The following WDHD1 variants were observed in gnomAD, a reference collection of about 807,000 sequenced individuals.
The protein encoded by WDHD1 is WD repeat and HMG-box DNA binding protein 1, also known as WD repeat and HMG-box DNA-binding protein 1.
Under a neutral mutation model 135.4 loss-of-function variants are expected in WDHD1, and 111 were observed. The ratio of observed to expected loss-of-function variants is 0.82; its 90% CI spans 0.70 to 0.96. The LOEUF (loss-of-function observed/expected upper bound fraction) is 0.96. Among genes scored for constraint, WDHD1 ranks in the 40% least tolerant of loss-of-function variants. The probability of loss-of-function intolerance (pLI) is 0.00; values close to 1 mark genes in which losing one functional copy is unlikely to be tolerated. For missense variants in WDHD1, 1,351 were observed against 1,336.3 expected (o/e 1.01, Z -0.17); for synonymous variants, 434 against 439.0 (o/e 0.99, Z 0.14).
intron 15 of WDHD1, 66 bp from the exon 16 acceptor site, chr14:54,981,762 ATATAT>A: frequency 9.6e-7 from 1 of 1,047,080 alleles, no homozygotes. Context: ...CCTATTTCAA[ATATAT>A]TATACATACC....
At chr14:54,997,749 A>G (rs112651988) in intron 10 of WDHD1, among the ~76,000 whole-genome samples, 2 of 152,108 alleles carry the variant, frequency 1.3e-5, no homozygotes, top group African/African-American at 4.8e-5. Flanking sequence ...CGTCTCTACT[A>G]AAAATGCAAA....
rs531905544 is a variant in WDHD1 at position 54,987,554 on chromosome 14, T to C, written c.1527-167A>G. On this transcript the variant is annotated intron_variant, in intron 13 of 25. Transcript: ENST00000360586. ...AAGTAATTATGAAATACCCTTAAAA[T>C]GAACTATATTGATATCTTTCCAGCC... Among the ~76,000 whole-genome samples the C allele has an allele frequency of 7.9e-5, 12 of 152,236 alleles. No homozygotes were observed. The South Asian group carries it at 1.9e-3, about 24-fold the overall frequency.
chr14:55,001,020 T>A, intron 8 of WDHD1, 28 bp from the exon 9 acceptor site: 6 of 1,384,676 alleles, frequency 4.3e-6, no homozygotes, highest in East Asian at 2.5e-5. Context: ...TAATAAATAA[T>A]GATTTTGTAA....
chr14:54,959,437 G>GAGGGAGGC (rs2041213543), intron 21 of WDHD1, among the ~76,000 whole-genome samples: 1 of 139,856 alleles, frequency 7.2e-6, no homozygotes, highest in Non-Finnish European at 1.6e-5. Context: ...GGAAGGGAGG[G>GAGGGAGGC]AGGGAGGCAG....
chr14:54,967,259 C>G (rs1762534489), intron 17 of WDHD1, 21 bp downstream of exon 17: 2 of 1,569,982 alleles, frequency 1.3e-6, no homozygotes, highest in South Asian at 1.1e-5. Context: ...TTCAAAGTGT[C>G]AAGGTAAGAC....
In WDHD1 at chr14:54,991,379, C is replaced by A. The variant is rs1223650604; in HGVS notation, c.1175G>T (p.Gly392Val). 1.2e-6 allele frequency: 2 copies of A among 1,613,946 alleles called. No individual in the cohort carries two copies. The highest frequency in any genetic ancestry group is 2.2e-5 in the East Asian group (1 of 44,878). The change falls in exon 12 of 26, where the codon GGT (glycine) becomes GTT (valine). Residue 392 changes from glycine (G) to valine (V), a missense_variant. This residue lies in a region of WDHD1 where 1,330 missense variants were observed against 1,296.1 expected (regional missense o/e 1.03). Coordinates refer to ENST00000360586, the MANE Select transcript of WDHD1 (RefSeq NM_007086.4). ...CTCCTCCTCTTTGAGAAGACTAGAA[C>A]CAGTTTTTAGCATTGAAATATCTAC... is the stretch of plus-strand genomic sequence containing the variant. The part of the protein sequence containing the change: ...NSVDISMLKT[G>V]SSLLKEEEED...
chr14:54,993,436 A>G (rs934348080), intron 11 of WDHD1, among the ~76,000 whole-genome samples: 4 of 152,164 alleles, frequency 2.6e-5, no homozygotes, highest in Non-Finnish European at 4.4e-5. Flanking sequence ...ATGAATCTTA[A>G]CATAACAGAG....
intron 13 of WDHD1, among the ~76,000 whole-genome samples, chr14:54,988,297 T>C (rs17832281): frequency 0.089 from 13,607 of 152,050 alleles, 701 homozygotes; most frequent in South Asian, 0.16. Context: ...TGTAGATTAA[T>C]AGTTGGCCAA....
chr14:54,988,960 C>T, intron 13 of WDHD1, 68 bp downstream of exon 13: 2 of 1,382,832 alleles, frequency 1.4e-6, no homozygotes, highest in South Asian at 1.6e-5. Flanking sequence ...AACTTTTTGT[C>T]TTTAATTTCA....
intron 21 of WDHD1, among the ~76,000 whole-genome samples, chr14:54,961,131 GCA>G (rs1252934456): frequency 2.0e-5 from 3 of 151,838 alleles, no homozygotes; most frequent in Non-Finnish European, 4.4e-5. Context: ...TTCTTCTTCA[GCA>G]CAGTGTGCCA....
Position 54,989,194 on chromosome 14 carries a change from T to G in WDHD1, c.1360A>C (p.Ile454Leu). The G allele has an allele frequency of 6.2e-7, 1 of 1,612,542 alleles. No homozygotes were observed. Residue 454 changes from isoleucine (I) to leucine (L), a missense_variant, in exon 13 of 26, where the codon ATT becomes CTT. By Grantham distance (5) the Ile-to-Leu change is conservative (BLOSUM62 2). Around this residue, in one of 2 missense-constraint regions of WDHD1, gnomAD observed 1,330 missense variants for 1,296.1 expected, o/e 1.03. Transcript: ENST00000360586. ...HRFMVWNSIG[I>L]IRCYNDEQDN... The stretch of plus-strand genomic sequence containing the variant: ...TGCTCATCATTATAGCAGCGAATAA[T>G]TCCAATAGAGTTCCACACCTACAAA...
At chr14:54,944,612 G>A (rs2040890672) in intron 24 of WDHD1, 142 bp from the exon 25 acceptor site, 3 of 390,048 alleles carry the variant, frequency 7.7e-6, no homozygotes, top group Admixed American at 1.1e-4. Context: ...GTTAATTCAT[G>A]TTACTTTTTT....
At chr14:54,992,264 G>A (rs1421175455) in intron 11 of WDHD1, among the ~76,000 whole-genome samples, 1 of 152,124 alleles carries the variant, frequency 6.6e-6, no homozygotes, top group African/African-American at 2.4e-5. Context: ...GCCAAGGTGG[G>A]TAGATCATTT....
At chr14:55,016,849 AG>A (rs2042269312) in intron 2 of WDHD1, among the ~76,000 whole-genome samples, 1 of 152,350 alleles carries the variant, frequency 6.6e-6, no homozygotes, top group African/African-American at 2.4e-5. Flanking sequence ...AAGCATAAAA[AG>A]TGAAGTGACT....
At chr14:54,988,979 A>C (rs1167234430) in intron 13 of WDHD1, 49 bp downstream of exon 13, 8 of 1,461,422 alleles carry the variant, frequency 5.5e-6, no homozygotes, top group Non-Finnish European at 7.5e-6. Context: ...CAACAACTGT[A>C]TCTAACAGTT....
intron 16 of WDHD1, among the ~76,000 whole-genome samples, chr14:54,968,114 C>T (rs747873858): frequency 3.3e-5 from 5 of 152,040 alleles, no homozygotes; most frequent in East Asian, 1.9e-4. Flanking sequence ...CATGCTTGGC[C>T]GTAAAGCAAG....
chr14:54,981,556 T>C lies in WDHD1; in HGVS notation c.2047A>G (p.Asn683Asp). The C allele has an allele frequency of 6.2e-7, 1 of 1,610,980 alleles. No individual in the cohort carries two copies. The highest frequency in any genetic ancestry group is 8.5e-7 in the Non-Finnish European group (1 of 1,179,062). ...DHYWVVGIHE[N>D]PQQLRCIPCK... ...ATAGCCCACCTTAGTTGCTGGGGAT[T>C]TTCATGGATACCAACCACCCAGTAG... Residue 683 changes from asparagine (N) to aspartate (D), a missense_variant, in exon 16 of 26, where the codon AAT becomes GAT. Physicochemically the swap from Asn to Asp is conservative, Grantham distance 23. Coordinates refer to ENST00000360586, the MANE Select transcript of WDHD1 (RefSeq NM_007086.4).
In WDHD1 at chr14:54,941,022, C is replaced by A. The variant is rs1356696940; in HGVS notation, c.*468G>T. 1 of 152,168 alleles carries A rather than the reference C, an allele frequency of 6.6e-6. No individual in the cohort carries two copies. The highest frequency in any genetic ancestry group is 1.5e-5 in the Non-Finnish European group (1 of 68,122). The allele number at this position is 152,168 out of a possible 1,614,324, so 9.4% of individuals were successfully genotyped here. A position where few individuals can be genotyped will look rare whatever the true frequency, so the allele number is the denominator to read the frequency against. ...ACAAGATTATTTACATGTTTAGGGC[C>A]AGTATTATTAAAAGACGTCATCCCC... is the stretch of plus-strand genomic sequence containing the variant. On this transcript the variant is annotated 3_prime_UTR_variant, in exon 26 of 26. Transcript: ENST00000360586.
chr14:55,012,143 A>G (rs2042181384), intron 3 of WDHD1, among the ~76,000 whole-genome samples: 1 of 152,102 alleles, frequency 6.6e-6, no homozygotes, highest in Non-Finnish European at 1.5e-5. Flanking sequence ...TAAAATTTGC[A>G]TTTCTTTGCT....
Sources: gnomAD v4.1 joint callset for allele counts (sites outside exome capture counted in the v4.1 genomes callset) on GRCh38, gnomAD v4.1.1 for gene constraint, gnomAD v4.1.1 regional missense constraint, MANE v1.5 for transcripts, NCBI Gene and HGNC (gene_info 2026-07-23, HGNC 2026-07-21) for gene names.